The following RPL18A variants were observed in gnomAD, a reference collection of about 807,000 sequenced individuals.
The protein encoded by RPL18A is large ribosomal subunit protein eL20.
For missense variants in RPL18A, 163 were observed against 254.1 expected (o/e 0.64, Z 2.44); for synonymous variants, 122 against 96.9 (o/e 1.26, Z -1.52).
In RPL18A at chr19:17,862,162, C is replaced by T. The variant is rs932234773; in HGVS notation, c.267C>T (p.Gly89=). 6 of 1,612,982 alleles carry T rather than the reference C, an allele frequency of 3.7e-6. No homozygotes were observed. Among genetic ancestry groups the T allele is most frequent in the Admixed American group, 1.7e-5 (1 of 59,998 alleles). Reference sequence around the variant, plus strand: ...GGCTGCGCTATGACTCCCGGAGCGGCACCCACAACATGTACCGGGAATACC... The same window carrying T: ...GGCTGCGCTATGACTCCCGGAGCGGTACCCACAACATGTACCGGGAATACC... ...GIWLRYDSRS[G]THNMYREYRD... The change falls in exon 3 of 5, where the codon GGC becomes GGT. Residue 89 remains glycine, a synonymous_variant. Coordinates refer to ENST00000222247, the MANE Select transcript of RPL18A (RefSeq NM_000980.4).
At chr19:17,861,596 A>T in intron 2 of RPL18A, 124 bp downstream of exon 2, 2 of 720,448 alleles carry the variant, frequency 2.8e-6, no homozygotes, top group Non-Finnish European at 4.6e-6. Context: ...ATCCCATCAC[A>T]TCAGACATCA....
At chr19:17,860,372 T>G (rs1276926016) in intron 1 of RPL18A, 4 of 240,738 alleles carry the variant, frequency 1.7e-5, no homozygotes, top group Non-Finnish European at 3.2e-5. Context: ...AGATGAAAAT[T>G]GCTAACAGTG....
At chr19:17,862,014 AG>A in intron 2 of RPL18A, 79 bp from the exon 3 acceptor site, 1 of 1,524,638 alleles carries the variant, frequency 6.6e-7, no homozygotes, top group Non-Finnish European at 8.9e-7. Flanking sequence ...TGTGCTTTAG[AG>A]GCAGAGGGTT....
In RPL18A at chr19:17,862,608, T is replaced by A. The variant is rs536531033; in HGVS notation, c.329-310T>A. ...CCCTGATTGCACCTAAACCCAAGAA[T>A]CACTGTTTCTTATAGCGGTGGTTTA... On this transcript the variant is annotated intron_variant, in intron 3 of 4. Transcript: ENST00000222247. The A allele has an allele frequency of 4.2e-6, 3 of 709,914 alleles. No individual in the cohort carries two copies. In the East Asian group the frequency reaches 8.4e-5, roughly 20 times the overall value. The allele number at this position is 709,914 out of a possible 1,614,324, so 44.0% of individuals were successfully genotyped here.
rs1163680528 is a variant in RPL18A at position 17,859,977 on chromosome 19, A to G, written c.18+3A>G. 4.6e-6 allele frequency: 7 copies of G among 1,526,112 alleles called. No individual in the cohort carries two copies. In the East Asian group the frequency reaches 8.0e-5, roughly 17 times the overall value. The allele number at this position is 1,526,112 out of a possible 1,614,324, so 94.5% of individuals were successfully genotyped here. On this transcript the variant is annotated splice_donor_region_variant and intron_variant, in intron 1 of 4. Transcript: ENST00000222247. ...ACGCCATGAAGGCCTCGGGCACGGT[A>G]AGGCGGGCGCGGCGCGGCAGGGGGC... is the stretch of plus-strand genomic sequence containing the variant.
Position 17,863,003 on chromosome 19 carries a change from C to T in RPL18A, c.414C>T (p.Arg138=), listed in dbSNP as rs1238123754. ...KVEEIAASKC[R]RPAVKQFHDS... ...AGGAGATCGCGGCCAGCAAGTGCCGCCGGCCGGCTGTCAAGCAGTTCCACG... is the reference window on the plus strand; with the variant it reads ...AGGAGATCGCGGCCAGCAAGTGCCGTCGGCCGGCTGTCAAGCAGTTCCACG... Residue 138 remains arginine (R), a synonymous_variant, in exon 4 of 5, where the codon CGC becomes CGT. Coordinates refer to ENST00000222247, the MANE Select transcript of RPL18A (RefSeq NM_000980.4). The T allele has an allele frequency of 2.5e-6, 4 of 1,612,074 alleles. No homozygotes were observed. Among genetic ancestry groups the T allele is most frequent in the Non-Finnish European group, 3.4e-6 (4 of 1,179,092 alleles).
At position 17,859,985 on chromosome 19, in the gene RPL18A, C is replaced by T. The variant is rs1395258579; in HGVS notation, c.18+11C>T. On this transcript the variant is annotated intron_variant, in intron 1 of 4. Coordinates refer to ENST00000222247, the MANE Select transcript of RPL18A (RefSeq NM_000980.4). ...AAGGCCTCGGGCACGGTAAGGCGGG[C>T]GCGGCGCGGCAGGGGGCCAAGGGAT... The T allele has an allele frequency of 2.0e-6, 3 of 1,517,794 alleles. No individual in the cohort carries two copies. The South Asian group carries it at 3.7e-5, about 19-fold the overall frequency. The allele number at this position is 1,517,794 out of a possible 1,614,324, so 94.0% of individuals were successfully genotyped here.
chr19:17,859,969 G>A lies in RPL18A; in HGVS notation c.13G>A (p.Gly5Ser), dbSNP rs896693427. Residue 5 changes from glycine (G) to serine (S), a missense_variant, in exon 1 of 5, where the codon GGC becomes AGC. By Grantham distance (56) the Gly-to-Ser change is moderately conservative. Transcript: ENST00000222247. The stretch of plus-strand genomic sequence containing the variant: ...CGGAGAGCACGCCATGAAGGCCTCG[G>A]GCACGGTAAGGCGGGCGCGGCGCGG... Reference protein sequence around the residue: MKASGTLREYKVVGR... With the variant: MKASSTLREYKVVGR... 7.2e-6 allele frequency: 11 copies of A among 1,530,806 alleles called. No homozygotes were observed. The highest frequency in any genetic ancestry group is 6.3e-5 in the Admixed American group (3 of 47,738). The allele number at this position is 1,530,806 out of a possible 1,614,324, so 94.8% of individuals were successfully genotyped here.
At chr19:17,863,139 C>CA in intron 4 of RPL18A, 32 bp from the exon 5 acceptor site, 1 of 1,582,018 alleles carries the variant, frequency 6.3e-7, no homozygotes, top group Non-Finnish European at 8.7e-7. Context: ...AAGAGGCTTC[C>CA]AACCCCCTCA....
chr19:17,862,419 C>T (rs1599896482), intron 3 of RPL18A, 196 bp downstream of exon 3: 1 of 694,206 alleles, frequency 1.4e-6, no homozygotes, highest in East Asian at 2.5e-5. Context: ...AATCACATCA[C>T]ATCTGGAAAC....
In RPL18A at chr19:17,859,911, G is replaced by A. The variant is rs778328279; in HGVS notation, c.-46G>A. On this transcript the variant is annotated 5_prime_UTR_variant, in exon 1 of 5. Transcript: ENST00000222247. ...AGGCCTGGTGAACGGCTGCGCGACAGAGGACACTTCCTTTTGCGGGTGGCG... is the reference window on the plus strand; with the variant it reads ...AGGCCTGGTGAACGGCTGCGCGACAAAGGACACTTCCTTTTGCGGGTGGCG... The A allele has an allele frequency of 4.5e-6, 7 of 1,541,668 alleles. No individual in the cohort carries two copies. The highest frequency in any genetic ancestry group is 4.4e-6 in the Non-Finnish European group (5 of 1,143,902).
chr19:17,859,992 C>T lies in RPL18A; in HGVS notation c.18+18C>T, dbSNP rs45522337. On this transcript the variant is annotated intron_variant, in intron 1 of 4. Coordinates refer to ENST00000222247, the MANE Select transcript of RPL18A (RefSeq NM_000980.4). ...CGGGCACGGTAAGGCGGGCGCGGCG[C>T]GGCAGGGGGCCAAGGGATGGGGCAC... The T allele has an allele frequency of 8.9e-3, 13,407 of 1,514,522 alleles. 73 individuals are homozygous for T. Among genetic ancestry groups the T allele is most frequent in the Middle Eastern group, 0.016 (75 of 4,616 alleles). The allele number at this position is 1,514,522 out of a possible 1,614,324, so 93.8% of individuals were successfully genotyped here.
Position 17,862,242 on chromosome 19 carries a change from C to T in RPL18A, c.328+19C>T, listed in dbSNP as rs1272168090. ...CAGTGCTGTAAGCTGCCTGTCCCGCCTCCAGCTTTTTAGACCCTCCTTGAC... is the reference window on the plus strand; with the variant it reads ...CAGTGCTGTAAGCTGCCTGTCCCGCTTCCAGCTTTTTAGACCCTCCTTGAC... On this transcript the variant is annotated intron_variant, in intron 3 of 4. Transcript: ENST00000222247. 1.2e-6 allele frequency: 2 copies of T among 1,612,020 alleles called. No individual in the cohort carries two copies. The highest frequency in any genetic ancestry group is 8.5e-7 in the Non-Finnish European group (1 of 1,179,752).
At chr19:17,862,413 A>C (rs967105021) in intron 3 of RPL18A, 190 bp downstream of exon 3, 2 of 708,924 alleles carry the variant, frequency 2.8e-6, no homozygotes, top group African/African-American at 3.5e-5. Context: ...GTTGTAAATC[A>C]CATCACATCT....
intron 2 of RPL18A, 84 bp downstream of exon 2, chr19:17,861,556 T>C: frequency 8.9e-7 from 1 of 1,121,470 alleles, no homozygotes; most frequent in East Asian, 2.6e-5. Context: ...TAATCAGACA[T>C]CGAACGGGTG....
In RPL18A at chr19:17,859,962, G is replaced by C. The variant is rs1267096195; in HGVS notation, c.6G>C (p.Lys2Asn). M[K>N]ASGTLREYKV... ...GCGAACGCGGAGAGCACGCCATGAA[G>C]GCCTCGGGCACGGTAAGGCGGGCGC... Residue 2 changes from lysine to asparagine, a missense_variant, in exon 1 of 5, where the codon AAG becomes AAC. Physicochemically the swap from Lys to Asn is moderately conservative, Grantham distance 94. Transcript: ENST00000222247. 6.5e-7 allele frequency: 1 copy of C among 1,538,886 alleles called. No homozygotes were observed. Among genetic ancestry groups the C allele is most frequent in the Non-Finnish European group, 8.7e-7 (1 of 1,143,610 alleles).
chr19:17,861,099 C>G (rs184166991), intron 1 of RPL18A, 194 bp from the exon 2 acceptor site: 3 of 593,494 alleles, frequency 5.1e-6, no homozygotes, highest in Non-Finnish European at 9.0e-6. Flanking sequence ...CCTCCCTCTC[C>G]TCAGTTCATT....
chr19:17,862,202 G>A lies in RPL18A; in HGVS notation c.307G>A (p.Ala103Thr), dbSNP rs750500885. The A allele has an allele frequency of 2.4e-5, 39 of 1,613,406 alleles. No individual in the cohort carries two copies. The highest frequency in any genetic ancestry group is 3.2e-5 in the Non-Finnish European group (38 of 1,180,014). Reference protein sequence around the residue: ...MYREYRDLTTAGAVTQCYRDM... With the variant: ...MYREYRDLTTTGAVTQCYRDM... Reference sequence around the variant, plus strand: ...CCGGGAATACCGGGACCTGACCACCGCAGGCGCTGTCACCCAGTGCTGTAA... The same window carrying A: ...CCGGGAATACCGGGACCTGACCACCACAGGCGCTGTCACCCAGTGCTGTAA... Residue 103 changes from alanine (A) to threonine (T), a missense_variant, in exon 3 of 5, where the codon GCA becomes ACA. Coordinates refer to ENST00000222247, the MANE Select transcript of RPL18A (RefSeq NM_000980.4).
chr19:17,860,009 A>G (rs1344876692), intron 1 of RPL18A, 35 bp downstream of exon 1: 1 of 1,503,036 alleles, frequency 6.7e-7, no homozygotes, highest in South Asian at 1.3e-5. Context: ...GGGCCAAGGG[A>G]TGGGGCACGG....
Sources: allele counts gnomAD v4.1 joint callset, GRCh38; gene constraint gnomAD v4.1.1; transcripts MANE v1.5; gene names NCBI Gene and HGNC (gene_info 2026-07-23, HGNC 2026-07-21).